Variants in SEMA5A observed in about 807,000 individuals in gnomAD.
SEMA5A encodes semaphorin-5A.
A neutral mutation model predicts 135.5 loss-of-function variants in SEMA5A; 55 were observed. The ratio of observed to expected loss-of-function variants is 0.41; its 90% CI spans 0.33 to 0.51. The LOEUF (loss-of-function observed/expected upper bound fraction) is 0.51, where lower values mean the gene tolerates loss of function less well. SEMA5A is among the 20% of genes least tolerant of loss of function. SEMA5A has a pLI of 0.37. For missense variants in SEMA5A, 1,290 were observed against 1,419.9 expected (o/e 0.91, Z 1.47); for synonymous variants, 580 against 546.5 (o/e 1.06, Z -0.85).
chr5:9,291,604 A>AG (rs1491237049), intron 5 of SEMA5A, among the ~76,000 whole-genome samples: 2 of 119,404 alleles, frequency 1.7e-5, no homozygotes, highest in African/African-American at 5.3e-5. Flanking sequence ...AGAGAGAGAG[A>AG]AAGAGAGAGA....
At chr5:9,399,594 A>G (rs1756558837) in intron 2 of SEMA5A, among the ~76,000 whole-genome samples, 1 of 152,196 alleles carries the variant, frequency 6.6e-6, no homozygotes, top group South Asian at 2.1e-4. Context: ...AAATCTCAAA[A>G]GGGTAAATTT....
intron 3 of SEMA5A, among the ~76,000 whole-genome samples, chr5:9,368,405 T>C (rs1309599724): frequency 1.3e-5 from 2 of 152,228 alleles, no homozygotes; most frequent in Non-Finnish European, 1.5e-5. Context: ...ATTGGTTTCA[T>C]AGAGGTATTA....
chr5:9,192,250 T>G (rs574892567), intron 10 of SEMA5A, among the ~76,000 whole-genome samples: 2 of 152,364 alleles, frequency 1.3e-5, no homozygotes, highest in East Asian at 3.9e-4. Context: ...TGAGGTGAGG[T>G]CTCGCCTCTC....
intron 8 of SEMA5A, among the ~76,000 whole-genome samples, chr5:9,212,186 T>A (rs947946414): frequency 2.0e-5 from 3 of 152,252 alleles, no homozygotes; most frequent in African/African-American, 7.2e-5. Flanking sequence ...TGCACAATAT[T>A]AATTTGGAAA....
At position 9,143,454 on chromosome 5, in the gene SEMA5A, C is replaced by T. The variant is rs532046292; in HGVS notation, c.1482-6833G>A. Among the ~76,000 whole-genome samples, 363 of 152,246 alleles carry T rather than the reference C, an allele frequency of 2.4e-3. 4 individuals carry two copies. Among genetic ancestry groups the T allele is most frequent in the African/African-American group, 8.3e-3 (344 of 41,558 alleles). ...TGGCTGTTTTTTACATTTCATTTTG[C>T]ACTTAATATTAAATTTAAATAATTG... is the stretch of plus-strand genomic sequence containing the variant. On this transcript the variant is annotated intron_variant, in intron 12 of 22. Coordinates refer to ENST00000382496, the MANE Select transcript of SEMA5A (RefSeq NM_003966.3).
At chr5:9,236,251 G>A (rs757557325) in intron 6 of SEMA5A, among the ~76,000 whole-genome samples, 4 of 152,146 alleles carry the variant, frequency 2.6e-5, no homozygotes, top group Non-Finnish European at 4.4e-5. Context: ...CAAGGCCCAC[G>A]GCAGGCCTTG....
At chr5:9,245,990 A>G (rs1199437346) in intron 5 of SEMA5A, among the ~76,000 whole-genome samples, 4 of 130,020 alleles carry the variant, frequency 3.1e-5, no homozygotes, top group African/African-American at 8.4e-5. Flanking sequence ...AGAACATTAG[A>G]GAGAGAGAAG....
At chr5:9,335,815 A>T (rs1753364779) in intron 4 of SEMA5A, among the ~76,000 whole-genome samples, 1 of 152,072 alleles carries the variant, frequency 6.6e-6, no homozygotes, top group South Asian at 2.1e-4. Context: ...GACAAATTCA[A>T]CTCTGGAAAT....
At chr5:9,486,699 A>C (rs1317784174) in intron 1 of SEMA5A, among the ~76,000 whole-genome samples, 1 of 152,194 alleles carries the variant, frequency 6.6e-6, no homozygotes, top group African/African-American at 2.4e-5. Context: ...TGGACTCCTC[A>C]GACTATAATA....
At position 9,042,639 on chromosome 5, in the gene SEMA5A, A is replaced by C. The variant is rs1736022789; in HGVS notation, c.*258T>G. 1 of 409,758 alleles carries C rather than the reference A, an allele frequency of 2.4e-6. No homozygotes were observed. Among genetic ancestry groups the C allele is most frequent in the Non-Finnish European group, 4.3e-6 (1 of 230,504 alleles). The allele number at this position is 409,758 out of a possible 1,614,324, so 25.4% of individuals were successfully genotyped here. A position where few individuals can be genotyped will look rare whatever the true frequency, so the allele number is the denominator to read the frequency against. The stretch of plus-strand genomic sequence containing the variant: ...CAAAAAACAAACCAATGGACTTGTC[A>C]GAAAAATAGGATGAACACAATTAAA... On this transcript the variant is annotated 3_prime_UTR_variant, in exon 23 of 23. Coordinates refer to ENST00000382496, the MANE Select transcript of SEMA5A (RefSeq NM_003966.3).
At chr5:9,521,857 C>T (rs146997406) in intron 1 of SEMA5A, among the ~76,000 whole-genome samples, 51 of 152,274 alleles carry the variant, frequency 3.3e-4, no homozygotes, top group African/African-American at 1.2e-3. Context: ...AAGGAGGTGA[C>T]CTAGACACCT....
chr5:9,476,516 C>A (rs1156965311), intron 1 of SEMA5A, among the ~76,000 whole-genome samples: 1 of 152,030 alleles, frequency 6.6e-6, no homozygotes, highest in African/African-American at 2.4e-5. Context: ...TGCCAGGTAC[C>A]AGGAGGGTTA....
chr5:9,201,901 A>T, intron 9 of SEMA5A, 54 bp downstream of exon 9: 2 of 1,499,770 alleles, frequency 1.3e-6, no homozygotes, highest in South Asian at 1.2e-5. Flanking sequence ...AGAACAGAAG[A>T]CTTATTCAGA....
At chr5:9,217,442 C>T (rs1022249927) in intron 8 of SEMA5A, among the ~76,000 whole-genome samples, 4 of 152,108 alleles carry the variant, frequency 2.6e-5, no homozygotes, top group African/African-American at 7.2e-5. Flanking sequence ...TCATTTCGAC[C>T]ATGGAAAATC....
At chr5:9,452,060 C>A (rs1758665221) in intron 1 of SEMA5A, among the ~76,000 whole-genome samples, 1 of 152,188 alleles carries the variant, frequency 6.6e-6, no homozygotes, top group Non-Finnish European at 1.5e-5. Flanking sequence ...TTCCTTTCAC[C>A]CACTTCCTTC....
rs191675342 is a variant in SEMA5A, at chr5:9,095,555, C to T, written c.2073+12585G>A. 3.9e-5 allele frequency among the ~76,000 whole-genome samples: 6 copies of T among 152,268 alleles called. No individual in the cohort carries two copies. In the East Asian group the frequency reaches 1.2e-3, roughly 29 times the overall value. ...AACAATGGAATCTATAAAAAATAGT[C>T]AATGTTTTGAAATAATTTTTCACAC... On this transcript the variant is annotated intron_variant, in intron 16 of 22. Transcript: ENST00000382496.
chr5:9,191,056 A>T (rs1301913839), intron 10 of SEMA5A, among the ~76,000 whole-genome samples: 4 of 152,202 alleles, frequency 2.6e-5, no homozygotes, highest in Non-Finnish European at 5.9e-5. Context: ...AGAAATTATT[A>T]AAAAATGTTT....
At chr5:9,375,584 T>C (rs1017178163) in intron 3 of SEMA5A, among the ~76,000 whole-genome samples, 1 of 148,780 alleles carries the variant, frequency 6.7e-6, no homozygotes, top group Non-Finnish European at 1.5e-5. Context: ...GAAGAGACAA[T>C]TAGGTTGTTT....
chr5:9,379,279 G>A (rs1032371515), intron 3 of SEMA5A, among the ~76,000 whole-genome samples: 5 of 152,116 alleles, frequency 3.3e-5, no homozygotes, highest in Non-Finnish European at 2.9e-5. Context: ...AGTGCCCCGG[G>A]TGTGAAGGAC....
Sources: allele counts gnomAD v4.1 joint callset (sites outside exome capture counted in the v4.1 genomes callset), GRCh38; gene constraint gnomAD v4.1.1; transcripts MANE v1.5; gene names NCBI Gene and HGNC (gene_info 2026-07-23, HGNC 2026-07-21).